BRMS1L: variants seen among roughly 807,000 people sequenced by gnomAD.
The protein encoded by BRMS1L is breast cancer metastasis-suppressor 1-like protein.
In BRMS1L, 23 loss-of-function variants were observed where a neutral mutation model predicts 50.3. The observed-to-expected ratio is 0.46, with a 90% CI of 0.33 to 0.65. The LOEUF is 0.65. BRMS1L is among the 30% of genes least tolerant of loss of function. The pLI is 0.02. For missense variants in BRMS1L, 286 were observed against 386.1 expected (o/e 0.74, Z 2.17); for synonymous variants, 114 against 126.9 (o/e 0.90, Z 0.69).
At chr14:35,836,602 G>T (rs1282284532) in intron 4 of BRMS1L, among the ~76,000 whole-genome samples, 1 of 152,158 alleles carries the variant, frequency 6.6e-6, no homozygotes, top group East Asian at 1.9e-4. Flanking sequence ...TTGGCCTCCT[G>T]AAGTGTTGAG....
rs1485569267 is a variant in BRMS1L at position 35,871,351 on chromosome 14, C to G, written c.*874C>G. 6.6e-6 allele frequency: 1 copy of G among 152,548 alleles called. No individual in the cohort carries two copies. The highest frequency in any genetic ancestry group is 6.5e-5 in the Admixed American group (1 of 15,272). 9.4% of individuals were successfully genotyped at this position (152,548 alleles called of 1,614,324 possible). On this transcript the variant is annotated 3_prime_UTR_variant, in exon 10 of 10. Transcript: ENST00000216807. ...ACTGTGTCCTTATTCTAATTTTATT[C>G]CTAGGGCAAAGTAGACAGGGATTAT...
At chr14:35,862,062 C>G (rs1244346184) in intron 4 of BRMS1L, among the ~76,000 whole-genome samples, 1 of 151,930 alleles carries the variant, frequency 6.6e-6, no homozygotes, top group African/African-American at 2.4e-5. Flanking sequence ...TATGATTAGT[C>G]TGTAATTTTA....
chr14:35,839,908 C>G (rs906799985), intron 4 of BRMS1L, among the ~76,000 whole-genome samples: 9 of 152,058 alleles, frequency 5.9e-5, no homozygotes, highest in African/African-American at 1.9e-4. Flanking sequence ...AATACTATGT[C>G]GAATACGAGT....
intron 4 of BRMS1L, among the ~76,000 whole-genome samples, chr14:35,853,012 ATC>A (rs1400276470): frequency 6.7e-5 from 10 of 150,310 alleles, no homozygotes; most frequent in African/African-American, 2.5e-4. Flanking sequence ...CTATCTATCT[ATC>A]TATATATAGA....
rs191839639 is a variant in BRMS1L at position 35,871,653 on chromosome 14, A to G, written c.*1176A>G. 6 of 152,766 alleles carry G rather than the reference A, an allele frequency of 3.9e-5. No homozygotes were observed. Among genetic ancestry groups the G allele is most frequent in the African/African-American group, 1.4e-4 (6 of 41,584 alleles). The allele number at this position is 152,766 out of a possible 1,614,324, so 9.5% of individuals were successfully genotyped here. A position where few individuals can be genotyped will look rare whatever the true frequency, so the allele number is the denominator to read the frequency against. On this transcript the variant is annotated 3_prime_UTR_variant, in exon 10 of 10. Coordinates refer to ENST00000216807, the MANE Select transcript of BRMS1L (RefSeq NM_032352.4). ...AGTTAAGAGGATGAGGAAGAAATCT[A>G]CTTATTAACACTTACTGCAGAAATG...
chr14:35,844,407 G>A (rs1295237342), intron 4 of BRMS1L, among the ~76,000 whole-genome samples: 1 of 152,138 alleles, frequency 6.6e-6, no homozygotes. Context: ...TCCTCACGGC[G>A]TGGTCCCTCA....
intron 4 of BRMS1L, among the ~76,000 whole-genome samples, chr14:35,844,468 G>A (rs2078107809): frequency 6.6e-6 from 1 of 152,168 alleles, no homozygotes; most frequent in Non-Finnish European, 1.5e-5. Context: ...ATGCTTCCCA[G>A]GTGAGGTGAT....
chr14:35,861,897 A>T (rs1209522737), intron 4 of BRMS1L, among the ~76,000 whole-genome samples: 2 of 152,152 alleles, frequency 1.3e-5, no homozygotes, highest in African/African-American at 4.8e-5. Context: ...TGATCTTTAT[A>T]TATTATGTAC....
intron 1 of BRMS1L, among the ~76,000 whole-genome samples, chr14:35,828,544 G>C (rs540507933): frequency 6.9e-6 from 1 of 145,334 alleles, no homozygotes; most frequent in Admixed American, 7.0e-5. Flanking sequence ...CATCATCTTG[G>C]CTCACTGCAA....
At chr14:35,843,588 G>A (rs1007447221) in intron 4 of BRMS1L, among the ~76,000 whole-genome samples, 3 of 152,218 alleles carry the variant, frequency 2.0e-5, no homozygotes, top group African/African-American at 7.2e-5. Context: ...CCAGATGCCA[G>A]CTGGAGCTCT....
At chr14:35,859,817 T>C (rs2078326911) in intron 4 of BRMS1L, among the ~76,000 whole-genome samples, 1 of 152,066 alleles carries the variant, frequency 6.6e-6, no homozygotes, top group South Asian at 2.1e-4. Flanking sequence ...GCTTAGCTAA[T>C]TTTAAAAAAT....
intron 4 of BRMS1L, among the ~76,000 whole-genome samples, chr14:35,845,180 A>C (rs999630938): frequency 1.3e-5 from 2 of 152,128 alleles, no homozygotes; most frequent in East Asian, 1.9e-4. Context: ...GAATAATAGC[A>C]GTTTGTTTCT....
At chr14:35,860,413 C>T (rs961098095) in intron 4 of BRMS1L, among the ~76,000 whole-genome samples, 5 of 152,128 alleles carry the variant, frequency 3.3e-5, no homozygotes, top group African/African-American at 9.7e-5. Context: ...GCTAGGATTA[C>T]AGGCATGAGC....
At chr14:35,859,607 T>C (rs1454917648) in intron 4 of BRMS1L, among the ~76,000 whole-genome samples, 1 of 152,212 alleles carries the variant, frequency 6.6e-6, no homozygotes, top group Non-Finnish European at 1.5e-5. Flanking sequence ...TCGTTCATTG[T>C]GCTGGATACC....
At chr14:35,842,052 T>G (rs2078072959) in intron 4 of BRMS1L, among the ~76,000 whole-genome samples, 1 of 150,814 alleles carries the variant, frequency 6.6e-6, no homozygotes, top group Non-Finnish European at 1.5e-5. Flanking sequence ...CCTCCATCCC[T>G]TTATTTTGAG....
intron 4 of BRMS1L, among the ~76,000 whole-genome samples, chr14:35,843,659 G>C (rs150580344): frequency 1.3e-5 from 2 of 152,274 alleles, no homozygotes; most frequent in Non-Finnish European, 2.9e-5. Flanking sequence ...AGGCACAGGG[G>C]TCAGGGACCC....
At chr14:35,828,471 C>CA (rs1555454378) in intron 1 of BRMS1L, among the ~76,000 whole-genome samples, 2 of 99,278 alleles carry the variant, frequency 2.0e-5, no homozygotes, top group Non-Finnish European at 3.9e-5. Flanking sequence ...CATTCCCAGC[C>CA]TTTTTTTTTT....
intron 4 of BRMS1L, among the ~76,000 whole-genome samples, chr14:35,846,023 CT>C (rs1187869102): frequency 5.3e-5 from 8 of 152,312 alleles, no homozygotes; most frequent in African/African-American, 1.7e-4. Context: ...ACTTTTACCC[CT>C]GAGTCCTTTA....
chr14:35,838,300 T>A (rs2078019536), intron 4 of BRMS1L, among the ~76,000 whole-genome samples: 1 of 152,228 alleles, frequency 6.6e-6, no homozygotes, highest in African/African-American at 2.4e-5. Flanking sequence ...TGGTTCCAAG[T>A]CTTTGTTATT....
Sources: gnomAD v4.1 joint callset for allele counts (sites outside exome capture counted in the v4.1 genomes callset) on GRCh38, gnomAD v4.1.1 for gene constraint, MANE v1.5 for transcripts, NCBI Gene and HGNC (gene_info 2026-07-23, HGNC 2026-07-21) for gene names.